Variants in FAM153A observed in about 807,000 individuals in gnomAD.
FAM153A encodes protein FAM153A.
FAM153A carries 12 observed loss-of-function variants against 48.1 expected under a neutral mutation model. That is an observed-to-expected ratio of 0.25 (90% confidence interval 0.16 to 0.40). The LOEUF is 0.40. Ranked by LOEUF, FAM153A falls within the 10% of genes least tolerant of loss-of-function variation. The pLI, the probability that FAM153A is intolerant of heterozygous loss-of-function variation, is 1.00. For missense variants in FAM153A, 111 were observed against 345.8 expected, an observed-to-expected ratio of 0.32 and a Z score of 5.38; for synonymous variants, 36 against 118.2, an observed-to-expected ratio of 0.30 and a Z score of 4.51.
intron 1 of FAM153A, among the ~76,000 whole-genome samples, chr5:177,770,147 C>G (rs2127719427): frequency 7.7e-6 from 1 of 130,056 alleles, no homozygotes; most frequent in East Asian, 2.4e-4. Flanking sequence ...ACATTCACTG[C>G]CTGGTCTTAT....
At chr5:177,715,105 A>G (rs1759399203) in intron 25 of FAM153A, among the ~76,000 whole-genome samples, 1 of 146,214 alleles carries the variant, frequency 6.8e-6, no homozygotes, top group South Asian at 2.3e-4. Context: ...CCCAACCTCA[A>G]ATTGATAGAG....
chr5:177,717,516 T>C (rs1760113011), downstream of FAM153A, among the ~76,000 whole-genome samples: 3 of 151,124 alleles, frequency 2.0e-5, 1 homozygote, highest in African/African-American at 7.4e-5. Flanking sequence ...TGCCAGGGAC[T>C]AAGATGTTCA....
chr5:177,780,119 A>G, intron 1 of FAM153A, among the ~76,000 whole-genome samples: 1 of 68,824 alleles, frequency 1.5e-5, no homozygotes, highest in Admixed American at 1.8e-4. Context: ...AACAAGTCCA[A>G]TTTGTTACAA....
downstream of FAM153A, among the ~76,000 whole-genome samples, chr5:177,708,964 G>A (rs527434733): frequency 4.9e-4 from 74 of 149,794 alleles, 3 homozygotes; most frequent in African/African-American, 1.8e-3. Context: ...GAGTGGTGGT[G>A]GGTGCCTGTA....
At chr5:177,695,485 C>T in the FAM153A span, among the ~76,000 whole-genome samples, 1 of 152,192 alleles carries the variant, frequency 6.6e-6, no homozygotes, top group Admixed American at 6.5e-5. Flanking sequence ...TGCCTTCAGG[C>T]ATCTGTTTAA....
At chr5:177,695,911 C>T in the FAM153A span, among the ~76,000 whole-genome samples, 1,566 of 109,824 alleles carry the variant, frequency 0.014, 115 homozygotes, top group African/African-American at 0.06. Context: ...ACTTCCCAGA[C>T]AGGGTGGCCG....
downstream of FAM153A, among the ~76,000 whole-genome samples, chr5:177,709,093 CAAAAAAAAAAAAA>C (rs56257501): frequency 1.2e-3 from 40 of 34,114 alleles, no homozygotes; most frequent in East Asian, 4.8e-3. Context: ...GACTCCGTCT[CAAAAAAAAAAAAA>C]AAAAAAAAAA....
At chr5:177,702,086 T>G in the FAM153A span, among the ~76,000 whole-genome samples, 1 of 151,742 alleles carries the variant, frequency 6.6e-6, no homozygotes, top group Non-Finnish European at 1.5e-5. Context: ...TTTTTTGTAT[T>G]TTTAGTAGAG....
chr5:177,759,982 A>C (rs557525053), intron 1 of FAM153A, among the ~76,000 whole-genome samples: 7 of 146,582 alleles, frequency 4.8e-5, no homozygotes, highest in African/African-American at 1.8e-4. Context: ...AAAAAAAAAC[A>C]AAAAAAACTG....
At chr5:177,705,658 C>CTTTTTTTTTTTTT (rs70994931), downstream of FAM153A, among the ~76,000 whole-genome samples, 6 of 79,814 alleles carry the variant, frequency 7.5e-5, no homozygotes, top group African/African-American at 2.4e-4. Context: ...TTTTCTTTTT[C>CTTTTTTTTTTTTT]TTTTTTTTTT....
chr5:177,715,830 C>T lies in FAM153A; in HGVS notation c.*1222+515G>A, dbSNP rs184812648. Among the ~76,000 whole-genome samples, 13 of 151,734 alleles carry T rather than the reference C, an allele frequency of 8.6e-5. 1 individual carries two copies. Among genetic ancestry groups the T allele is most frequent in the South Asian group, 2.1e-4 (1 of 4,810 alleles). ...GTGATCCTCCCAACTCAGCCTCCTGCGCAGCTAATTTTTAAATTTTTTTTT... is the reference window on the plus strand; with the variant it reads ...GTGATCCTCCCAACTCAGCCTCCTGTGCAGCTAATTTTTAAATTTTTTTTT... On this transcript the variant is annotated intron_variant and NMD_transcript_variant, in intron 25 of 26. Transcript: ENST00000360669.
intron 13 of FAM153A, among the ~76,000 whole-genome samples, chr5:177,734,637 C>T (rs1764393202): frequency 7.0e-6 from 1 of 143,250 alleles, no homozygotes; most frequent in Admixed American, 6.8e-5. Context: ...CCAAAGAGAA[C>T]AAAATTGGTA....
At chr5:177,755,407 C>G (rs1767623960), upstream of FAM153A, among the ~76,000 whole-genome samples, 1 of 151,878 alleles carries the variant, frequency 6.6e-6, no homozygotes, top group African/African-American at 2.4e-5. Flanking sequence ...TTGGAAAACA[C>G]TCTGCAGGAT....
chr5:177,737,381 T>C (rs1029579596), intron 10 of FAM153A, among the ~76,000 whole-genome samples: 9 of 151,236 alleles, frequency 6.0e-5, no homozygotes, highest in Admixed American at 6.6e-5. Flanking sequence ...CACCACACAG[T>C]GTTTCCCTGG....
At chr5:177,696,781 C>T in the FAM153A span, among the ~76,000 whole-genome samples, 1 of 151,690 alleles carries the variant, frequency 6.6e-6, no homozygotes. Flanking sequence ...ATCCTCCCAC[C>T]TCAACCTCCC....
intron 26 of FAM153A, chr5:177,713,314 G>A (rs1340708474): frequency 1.4e-5 from 2 of 146,080 alleles, no homozygotes; most frequent in African/African-American, 2.5e-5. Context: ...GCAGTAGCAC[G>A]ATCTCAGCTC....
downstream of FAM153A, among the ~76,000 whole-genome samples, chr5:177,709,613 G>T (rs1422570592): frequency 6.8e-6 from 1 of 147,326 alleles, no homozygotes; most frequent in Non-Finnish European, 1.5e-5. Flanking sequence ...CACCCGCCTC[G>T]GCCTCCCAAA....
At chr5:177,706,451 G>A (rs533503691), downstream of FAM153A, among the ~76,000 whole-genome samples, 33 of 151,826 alleles carry the variant, frequency 2.2e-4, 2 homozygotes, top group African/African-American at 7.8e-4. Context: ...CACCCGCCTC[G>A]GCCTCCCAAA....
chr5:177,749,131 C>T (rs1356327294), intron 2 of FAM153A, among the ~76,000 whole-genome samples: 1 of 146,530 alleles, frequency 6.8e-6, no homozygotes, highest in African/African-American at 2.5e-5. Context: ...AGTATTGTGG[C>T]CAAAATACAT....
Sources: allele counts gnomAD v4.1 joint callset (sites outside exome capture counted in the v4.1 genomes callset), GRCh38; gene constraint gnomAD v4.1.1; transcripts MANE v1.5; gene names NCBI Gene and HGNC (gene_info 2026-07-23, HGNC 2026-07-21).